PCDHGB4: variants seen among roughly 807,000 people sequenced by gnomAD.
The protein encoded by PCDHGB4 is protocadherin gamma subfamily B, 4.
In PCDHGB4, 38 loss-of-function variants were observed where a neutral mutation model predicts 60.5. The ratio of observed to expected loss-of-function variants is 0.63; its 90% CI spans 0.48 to 0.82. The LOEUF is 0.82. Among genes scored for constraint, PCDHGB4 ranks in the 40% least tolerant of loss-of-function variants. The probability of loss-of-function intolerance (pLI) is 0.00; values close to 1 mark genes in which losing one functional copy is unlikely to be tolerated. For missense variants in PCDHGB4, 1,109 were observed against 1,209.6 expected, an observed-to-expected ratio of 0.92 and a Z score of 1.23; for synonymous variants, 456 against 509.7, an observed-to-expected ratio of 0.89 and a Z score of 1.42.
At chr5:141,395,093 C>CT (rs2093169149) in intron 1 of PCDHGB4, 4 of 1,614,040 alleles carry the variant, frequency 2.5e-6, no homozygotes, top group Non-Finnish European at 3.4e-6. Flanking sequence ...TCTCCCTCAC[C>CT]GCCGACTCGC....
At chr5:141,440,551 T>C (rs1220901075) in intron 1 of PCDHGB4, 2 of 152,350 alleles carry the variant, frequency 1.3e-5, no homozygotes, top group East Asian at 1.9e-4. Context: ...GCAGGAATGT[T>C]ATTAAGTTAC....
intron 2 of PCDHGB4, among the ~76,000 whole-genome samples, chr5:141,497,175 A>T (rs2154592067): frequency 6.7e-6 from 1 of 150,262 alleles, no homozygotes; most frequent in East Asian, 1.9e-4. Context: ...AAATCACAGT[A>T]AGTTCTGAGA....
Position 141,417,842 on chromosome 5 carries a change from C to A in PCDHGB4, c.2397+27561C>A, listed in dbSNP as rs1247720013. 3 of 1,537,164 alleles carry A rather than the reference C, an allele frequency of 2.0e-6. No homozygotes were observed. The South Asian group carries it at 3.6e-5, about 19-fold the overall frequency. Reference sequence around the variant, plus strand: ...TCCAACTGGAAAAGCGGGGACCCAGCGAGAACCCGAGCGAACGATGGGAGG... The same window carrying A: ...TCCAACTGGAAAAGCGGGGACCCAGAGAGAACCCGAGCGAACGATGGGAGG... On this transcript the variant is annotated intron_variant, in intron 1 of 3. Transcript: ENST00000519479.
chr5:141,500,043 T>A (rs1240979831), intron 2 of PCDHGB4, among the ~76,000 whole-genome samples: 1 of 152,048 alleles, frequency 6.6e-6, no homozygotes, highest in East Asian at 1.9e-4. Flanking sequence ...CTCTTAAGTA[T>A]CTTAATGCTC....
rs201825683 is a variant in PCDHGB4 at position 141,404,916 on chromosome 5, C to T, written c.2397+14635C>T. The T allele has an allele frequency of 1.5e-4, 243 of 1,613,780 alleles. No homozygotes were observed. The highest frequency in any genetic ancestry group is 1.1e-4 in the Non-Finnish European group (126 of 1,179,862). ...CAGGACCATGGCCAGCCCCCTCTCTCGGCCACTGTCACGCTCACAGTAGCC... is the reference window on the plus strand; with the variant it reads ...CAGGACCATGGCCAGCCCCCTCTCTTGGCCACTGTCACGCTCACAGTAGCC... On this transcript the variant is annotated intron_variant, in intron 1 of 3. Transcript: ENST00000519479.
chr5:141,395,538 TTGTTTG>T (rs1338769311), intron 1 of PCDHGB4: 4 of 225,774 alleles, frequency 1.8e-5, no homozygotes, highest in African/African-American at 1.7e-4. Flanking sequence ...AATTTTGCTA[TTGTTTG>T]TGTGTGTGTG....
chr5:141,421,901 G>A lies in PCDHGB4; in HGVS notation c.2397+31620G>A. ...GATGGAGGCGATCCCATCCGAAAGG[G>A]CGCAGTTCCCATTCGTGTGGTGGTC... is the stretch of plus-strand genomic sequence containing the variant. On this transcript the variant is annotated intron_variant, in intron 1 of 3. Coordinates refer to ENST00000519479, the MANE Select transcript of PCDHGB4 (RefSeq NM_003736.4). 1.9e-6 allele frequency: 3 copies of A among 1,613,724 alleles called. No individual in the cohort carries two copies. Among genetic ancestry groups the A allele is most frequent in the East Asian group, 2.2e-5 (1 of 44,880 alleles).
intron 1 of PCDHGB4, chr5:141,430,868 G>A (rs1414256124): frequency 6.3e-7 from 1 of 1,597,104 alleles, no homozygotes; most frequent in Admixed American, 1.8e-5. Context: ...TTCAGTTCCG[G>A]AAGAGCTGGA....
intron 1 of PCDHGB4, chr5:141,441,752 C>A (rs1043293959): frequency 5.3e-6 from 2 of 377,970 alleles, no homozygotes; most frequent in Non-Finnish European, 5.3e-6. Flanking sequence ...TCGGCGTCAA[C>A]GTGAGCCTGC....
In PCDHGB4 at chr5:141,489,652, C is replaced by A. The variant is rs767143028; in HGVS notation, c.2398-5155C>A. On this transcript the variant is annotated intron_variant, in intron 1 of 3. Transcript: ENST00000519479. The surrounding 1 kb of genome is among the most constrained non-coding windows in gnomAD (Gnocchi z 4.5). ...CTCTCCTAGCTTTGCCACCCCTGAG[C>A]GAGAGATGCGCATCTCAGAATCAGC... 34 of 1,614,024 alleles carry A rather than the reference C, an allele frequency of 2.1e-5. No homozygotes were observed. The Middle Eastern group carries it at 6.6e-4, about 31-fold the overall frequency.
chr5:141,425,890 G>A (rs943076854), intron 1 of PCDHGB4, among the ~76,000 whole-genome samples: 1 of 152,118 alleles, frequency 6.6e-6, no homozygotes, highest in Non-Finnish European at 1.5e-5. Flanking sequence ...AATCTTCTTT[G>A]GTAGTAAACA....
In PCDHGB4 at chr5:141,491,419, G is replaced by A. The variant is rs1422517367; in HGVS notation, c.2398-3388G>A. On this transcript the variant is annotated intron_variant, in intron 1 of 3. Coordinates refer to ENST00000519479, the MANE Select transcript of PCDHGB4 (RefSeq NM_003736.4). This position sits in a 1 kb window ranked among gnomAD's most constrained non-coding sequence, Gnocchi z 6.9. ...GGGAAACGCAGACGGGGACGGGGGT[G>A]GAGGGCAGTGCTGCAGGCGCCAGGA... 1 of 1,614,124 alleles carries A rather than the reference G, an allele frequency of 6.2e-7. No individual in the cohort carries two copies.
chr5:141,492,501 G>A (rs551410616), intron 1 of PCDHGB4, among the ~76,000 whole-genome samples: 8 of 152,302 alleles, frequency 5.3e-5, no homozygotes, highest in East Asian at 1.9e-4. Flanking sequence ...CGAGGACTCC[G>A]GAGCCTCCTC....
chr5:141,447,226 G>A (rs746777844), intron 1 of PCDHGB4, among the ~76,000 whole-genome samples: 1 of 151,910 alleles, frequency 6.6e-6, no homozygotes, highest in Non-Finnish European at 1.5e-5. Context: ...TGCAACCTCC[G>A]CCTCCCGGGT....
chr5:141,434,174 C>T (rs1310074584), intron 1 of PCDHGB4, among the ~76,000 whole-genome samples: 1 of 152,132 alleles, frequency 6.6e-6, no homozygotes, highest in Non-Finnish European at 1.5e-5. Flanking sequence ...GGGATTATAT[C>T]CAAGATTTGT....
intron 1 of PCDHGB4, chr5:141,428,289 G>A: frequency 1.4e-6 from 1 of 728,400 alleles, no homozygotes; most frequent in Non-Finnish European, 2.4e-6. Context: ...CCCAAGCAAA[G>A]CTGCAGATTT....
Position 141,490,179 on chromosome 5 carries a change from A to G in PCDHGB4, c.2398-4628A>G. On this transcript the variant is annotated intron_variant, in intron 1 of 3. Transcript: ENST00000519479. This position sits in a 1 kb window ranked among gnomAD's most constrained non-coding sequence, Gnocchi z 5.4. Reference sequence around the variant, plus strand: ...TGGGTCCCATAGACTTTGAGGAGTCACGTTTCTATGAAATTCATGCAAGAG... The same window carrying G: ...TGGGTCCCATAGACTTTGAGGAGTCGCGTTTCTATGAAATTCATGCAAGAG... 1 of 1,614,202 alleles carries G rather than the reference A, an allele frequency of 6.2e-7. No individual in the cohort carries two copies. Among genetic ancestry groups the G allele is most frequent in the East Asian group, 2.2e-5 (1 of 44,882 alleles).
chr5:141,501,706 T>TA (rs2099810629), intron 2 of PCDHGB4, among the ~76,000 whole-genome samples: 1 of 152,094 alleles, frequency 6.6e-6, no homozygotes, highest in South Asian at 2.1e-4. Flanking sequence ...ATTCCGAGGA[T>TA]AAAAAAGACA....
intron 1 of PCDHGB4, chr5:141,419,105 C>G: frequency 6.2e-7 from 1 of 1,613,918 alleles, no homozygotes; most frequent in Non-Finnish European, 8.5e-7. Context: ...GGAGCAGACC[C>G]CAGAGTACAA....
Sources: gnomAD v4.1 joint callset for allele counts (sites outside exome capture counted in the v4.1 genomes callset) on GRCh38, gnomAD v4.1.1 for gene constraint, Gnocchi (gnomAD v3.1) non-coding constraint, MANE v1.5 for transcripts, NCBI Gene and HGNC (gene_info 2026-07-23, HGNC 2026-07-21) for gene names.